The following DEPDC5 variants were observed in gnomAD, a reference collection of about 807,000 sequenced individuals.
The protein encoded by DEPDC5 is DEP domain containing 5, GATOR1 subcomplex subunit.
In DEPDC5, 73 loss-of-function variants were observed where a neutral mutation model predicts 217.3. That is an observed-to-expected ratio of 0.34 (90% CI 0.28 to 0.41). DEPDC5 has a LOEUF of 0.41. Ranked by LOEUF, DEPDC5 falls within the 10% of genes least tolerant of loss-of-function variation. The pLI, the probability that DEPDC5 is intolerant of heterozygous loss-of-function variation, is 1.00. For missense variants in DEPDC5, 1,675 were observed against 2,070.1 expected (o/e 0.81, Z 3.70); for synonymous variants, 733 against 756.7 (o/e 0.97, Z 0.51).
At chr22:31,792,205 C>A in intron 11 of DEPDC5, 103 bp downstream of exon 11, 1 of 817,410 alleles carries the variant, frequency 1.2e-6, no homozygotes, top group Non-Finnish European at 2.0e-6. Flanking sequence ...CTTTTCCACC[C>A]TTCCCATCTT....
chr22:31,792,840 A>G, intron 12 of DEPDC5, 23 bp downstream of exon 12: 1 of 1,481,660 alleles, frequency 6.7e-7, no homozygotes, highest in Non-Finnish European at 8.9e-7. Flanking sequence ...GCTTTGCTAT[A>G]CTTTTTATTT....
At chr22:31,763,960 C>T (rs565642301) in intron 4 of DEPDC5, among the ~76,000 whole-genome samples, 7 of 152,070 alleles carry the variant, frequency 4.6e-5, no homozygotes, top group Admixed American at 2.0e-4. Flanking sequence ...GATGGAGTAT[C>T]CCTCTGTCGC....
chr22:31,760,638 T>C lies in DEPDC5; in HGVS notation c.147-18T>C. On this transcript the variant is annotated intron_variant, in intron 3 of 42. Transcript: ENST00000651528. ...ACTGTTCACGGTATCCCAACTCTCT[T>C]GTTGCTTTCTTTTTCAGCCCTCTGC... 1 of 1,611,136 alleles carries C rather than the reference T, an allele frequency of 6.2e-7. No homozygotes were observed. Among genetic ancestry groups the C allele is most frequent in the East Asian group, 2.2e-5 (1 of 44,856 alleles).
chr22:31,878,229 C>T (rs185375170), intron 37 of DEPDC5, among the ~76,000 whole-genome samples: 148 of 151,766 alleles, frequency 9.8e-4, no homozygotes, highest in African/African-American at 3.4e-3. Flanking sequence ...GCAGCTAGTG[C>T]CACTCCCCAT....
chr22:31,872,422 C>T (rs1008045731), intron 34 of DEPDC5, among the ~76,000 whole-genome samples: 1 of 152,208 alleles, frequency 6.6e-6, no homozygotes, highest in Non-Finnish European at 1.5e-5. Flanking sequence ...ACATTCGCCT[C>T]ACATCAGCCC....
intron 21 of DEPDC5, chr22:31,815,536 C>T: frequency 3.2e-6 from 2 of 630,752 alleles, no homozygotes; most frequent in Non-Finnish European, 5.6e-6. Context: ...AGCATGCCAC[C>T]ACACCCAGCT....
intron 38 of DEPDC5, among the ~76,000 whole-genome samples, chr22:31,886,572 CA>C (rs2093317093): frequency 6.6e-6 from 1 of 151,430 alleles, no homozygotes; most frequent in Admixed American, 6.6e-5. Context: ...CTAGCCTGGC[CA>C]ACATGGTGAA....
intron 33 of DEPDC5, among the ~76,000 whole-genome samples, chr22:31,864,657 A>G (rs1006649135): frequency 6.6e-6 from 1 of 151,498 alleles, no homozygotes; most frequent in Non-Finnish European, 1.5e-5. Flanking sequence ...GCTCAAGCCT[A>G]TAATCCCAGC....
chr22:31,897,674 G>C, intron 40 of DEPDC5, 21 bp downstream of exon 40: 1 of 1,611,778 alleles, frequency 6.2e-7, no homozygotes. Context: ...TTCCCTTCTG[G>C]AGGTTGTCTC....
chr22:31,878,961 A>G (rs2093083247), intron 37 of DEPDC5, among the ~76,000 whole-genome samples: 1 of 147,634 alleles, frequency 6.8e-6, no homozygotes, highest in Non-Finnish European at 1.5e-5. Context: ...TGGGAGGCAG[A>G]GGTTGCAGTA....
intron 14 of DEPDC5, 22 bp downstream of exon 14, chr22:31,798,678 G>T: frequency 6.2e-7 from 1 of 1,605,774 alleles, no homozygotes; most frequent in South Asian, 1.1e-5. Flanking sequence ...TGCCGGCCAT[G>T]AGCCAGCATC....
intron 38 of DEPDC5, among the ~76,000 whole-genome samples, chr22:31,887,580 G>C (rs1017746394): frequency 6.6e-6 from 1 of 152,166 alleles, no homozygotes; most frequent in Non-Finnish European, 1.5e-5. Flanking sequence ...AAACTAGGCA[G>C]AGTTTTGTGT....
At chr22:31,848,324 T>A (rs567043843) in intron 31 of DEPDC5, among the ~76,000 whole-genome samples, 1 of 152,232 alleles carries the variant, frequency 6.6e-6, no homozygotes, top group Admixed American at 6.5e-5. Flanking sequence ...AGTGGAGACT[T>A]TTTCCTTCCG....
intron 35 of DEPDC5, 106 bp from the exon 36 acceptor site, chr22:31,874,167 G>A: frequency 1.3e-5 from 19 of 1,457,310 alleles, no homozygotes; most frequent in Non-Finnish European, 1.5e-5. Flanking sequence ...ATTGCTTTAT[G>A]GTATTAAATG....
intron 31 of DEPDC5, among the ~76,000 whole-genome samples, chr22:31,848,001 A>G (rs576989978): frequency 1.2e-4 from 19 of 152,302 alleles, no homozygotes; most frequent in African/African-American, 4.3e-4. Flanking sequence ...GGCCAAAACA[A>G]AGGGGCTACA....
chr22:31,893,150 A>G (rs1215322236), intron 38 of DEPDC5, among the ~76,000 whole-genome samples: 4 of 151,966 alleles, frequency 2.6e-5, no homozygotes, highest in Non-Finnish European at 4.4e-5. Context: ...CTGGGATTAC[A>G]CACGTGAGCC....
intron 18 of DEPDC5, among the ~76,000 whole-genome samples, chr22:31,807,819 T>C (rs939981239): frequency 2.6e-5 from 4 of 152,204 alleles, no homozygotes; most frequent in African/African-American, 9.6e-5. Flanking sequence ...CTCTCACCCC[T>C]CTGCCCTTTC....
chr22:31,890,666 G>A (rs572373277), intron 38 of DEPDC5, among the ~76,000 whole-genome samples: 78 of 143,644 alleles, frequency 5.4e-4, no homozygotes, highest in Middle Eastern at 3.6e-3. Flanking sequence ...CCGAGATCAC[G>A]CCACTGCACT....
intron 41 of DEPDC5, among the ~76,000 whole-genome samples, 163 bp downstream of exon 41, chr22:31,901,965 T>C (rs2093655860): frequency 6.6e-6 from 1 of 152,180 alleles, no homozygotes; most frequent in African/African-American, 2.4e-5. Flanking sequence ...ACATTGGTTT[T>C]TGAGATAAGC....
Sources: gnomAD v4.1 joint callset for allele counts (sites outside exome capture counted in the v4.1 genomes callset) on GRCh38, gnomAD v4.1.1 for gene constraint, MANE v1.5 for transcripts, NCBI Gene and HGNC (gene_info 2026-07-23, HGNC 2026-07-21) for gene names.